Variants in TOMM70 observed in about 807,000 individuals in gnomAD.
TOMM70 encodes mitochondrial import receptor subunit TOM70.
In TOMM70, 13 loss-of-function variants were observed where a neutral mutation model predicts 73.6. The ratio of observed to expected loss-of-function variants is 0.18; its 90% CI spans 0.11 to 0.28. The LOEUF (loss-of-function observed/expected upper bound fraction) is 0.28, where lower values mean the gene tolerates loss of function less well. TOMM70 is among the 10% of genes least tolerant of loss of function. The pLI is 1.00. For synonymous variants in TOMM70, 257 were observed against 271.2 expected (o/e 0.95, Z 0.51); for missense variants, 609 against 747.5 (o/e 0.81, Z 2.16).
At chr3:100,373,483 G>T in intron 8 of TOMM70, 55 bp downstream of exon 8, 2 of 1,399,378 alleles carry the variant, frequency 1.4e-6, no homozygotes, top group South Asian at 2.6e-5. Context: ...CATTTTTGTT[G>T]ACGCTGGAAA....
intron 7 of TOMM70, among the ~76,000 whole-genome samples, chr3:100,374,144 C>T (rs1237960497): frequency 6.6e-6 from 1 of 152,154 alleles, no homozygotes; most frequent in Non-Finnish European, 1.5e-5. Context: ...TGTAATACTG[C>T]ATTTTTACTG....
chr3:100,396,891 G>A (rs766238364), intron 1 of TOMM70, among the ~76,000 whole-genome samples: 44 of 152,154 alleles, frequency 2.9e-4, no homozygotes, highest in Non-Finnish European at 5.4e-4. Context: ...CCAGAAAAAA[G>A]GTAATTGTGC....
chr3:100,365,796 T>C, intron 11 of TOMM70, 79 bp from the exon 12 acceptor site: 3 of 1,521,706 alleles, frequency 2.0e-6, no homozygotes, highest in African/African-American at 2.7e-5. Context: ...TGATGGTACA[T>C]GAAGTCTGAC....
intron 5 of TOMM70, among the ~76,000 whole-genome samples, chr3:100,380,944 C>A (rs1392351590): frequency 1.3e-5 from 2 of 152,142 alleles, no homozygotes; most frequent in Non-Finnish European, 2.9e-5. Flanking sequence ...TCCTTTTCTT[C>A]CTAACTCGTT....
In TOMM70 at chr3:100,377,840, T is replaced by G. The variant is rs1706582503; in HGVS notation, c.957A>C (p.Lys319Asn). Residue 319 changes from lysine (K) to asparagine (N), a missense_variant, in exon 6 of 12, where the codon AAA becomes AAC. By Grantham distance (94) the Lys-to-Asn change is moderately conservative. Coordinates refer to ENST00000284320, the MANE Select transcript of TOMM70 (RefSeq NM_014820.5). ...NYDKIISECS[K>N]EIDAEGKYMA... ...TGTATTTGCCTTCAGCATCTATTTC[T>G]TTTGAGCATTCACTTATGATTTTAT... 2 of 1,614,254 alleles carry G rather than the reference T, an allele frequency of 1.2e-6. No homozygotes were observed. The highest frequency in any genetic ancestry group is 2.2e-5 in the South Asian group (2 of 91,084).
chr3:100,371,690 C>T (rs1262339709), intron 9 of TOMM70, among the ~76,000 whole-genome samples: 1 of 152,154 alleles, frequency 6.6e-6, no homozygotes, highest in Non-Finnish European at 1.5e-5. Flanking sequence ...GTCCCCAACA[C>T]CTTCCCAGCA....
intron 4 of TOMM70, among the ~76,000 whole-genome samples, chr3:100,383,894 AT>A (rs1004062020): frequency 2.6e-5 from 4 of 152,186 alleles, no homozygotes; most frequent in African/African-American, 9.7e-5. Flanking sequence ...CTCTCACTAA[AT>A]TTTAATTCTA....
intron 6 of TOMM70, 35 bp from the exon 7 acceptor site, chr3:100,375,187 C>CT (rs749454748): frequency 3.2e-5 from 48 of 1,506,416 alleles, no homozygotes; most frequent in African/African-American, 5.7e-5. Context: ...TTCATCATTA[C>CT]TTTTTTTTCC....
chr3:100,389,344 T>C (rs541927568), intron 1 of TOMM70, among the ~76,000 whole-genome samples: 4 of 151,968 alleles, frequency 2.6e-5, no homozygotes, highest in African/African-American at 9.7e-5. Flanking sequence ...AATAGGGAAA[T>C]GACCAATACA....
intron 9 of TOMM70, chr3:100,372,323 T>C (rs1706519754): frequency 1.0e-5 from 3 of 286,362 alleles, no homozygotes; most frequent in African/African-American, 6.5e-5. Flanking sequence ...TAAATTTTCC[T>C]AAGGTAATTA....
In TOMM70 at chr3:100,365,353, G is replaced by T. The variant is rs901218465; in HGVS notation, c.*211C>A. 5.5e-6 allele frequency: 3 copies of T among 545,652 alleles called. No individual in the cohort carries two copies. The highest frequency in any genetic ancestry group is 3.0e-5 in the East Asian group (1 of 33,326). 33.8% of individuals were successfully genotyped at this position (545,652 alleles called of 1,614,324 possible). A position where few individuals can be genotyped will look rare whatever the true frequency, so the allele number is the denominator to read the frequency against. On this transcript the variant is annotated 3_prime_UTR_variant, in exon 12 of 12. Coordinates refer to ENST00000284320, the MANE Select transcript of TOMM70 (RefSeq NM_014820.5). Reference sequence around the variant, plus strand: ...TCCCTTTAACATGTTCTAATCTTTTGTTGCACAGGGAATAAAAGCTGCAAG... The same window carrying T: ...TCCCTTTAACATGTTCTAATCTTTTTTTGCACAGGGAATAAAAGCTGCAAG...
chr3:100,380,768 A>G (rs572952896), intron 5 of TOMM70, among the ~76,000 whole-genome samples: 1 of 152,330 alleles, frequency 6.6e-6, no homozygotes, highest in Middle Eastern at 3.4e-3. Flanking sequence ...TCAATGAACT[A>G]AAATTTGTAC....
rs183071079 is a variant in TOMM70, at chr3:100,378,641, G to C, written c.885-729C>G. Among the ~76,000 whole-genome samples, 5 of 152,286 alleles carry C rather than the reference G, an allele frequency of 3.3e-5. No homozygotes were observed. The East Asian group carries it at 9.6e-4, about 29-fold the overall frequency. On this transcript the variant is annotated intron_variant, in intron 5 of 11. Transcript: ENST00000284320. ...GTTTAATGGCTAAAAGAAGGAACAG[G>C]GAAATAGGAAATAAGTGACTTTAGA...
At chr3:100,370,589 G>A (rs989661236) in intron 9 of TOMM70, among the ~76,000 whole-genome samples, 1 of 152,160 alleles carries the variant, frequency 6.6e-6, no homozygotes, top group East Asian at 1.9e-4. Context: ...GTAACTTTGC[G>A]AGTTGGCCAG....
chr3:100,396,441 G>A (rs1706826169), intron 1 of TOMM70, among the ~76,000 whole-genome samples: 2 of 151,984 alleles, frequency 1.3e-5, no homozygotes, highest in Admixed American at 6.6e-5. Context: ...ATAACAATTG[G>A]ACAAAAAAGT....
chr3:100,367,840 G>C (rs1291998966), intron 11 of TOMM70, among the ~76,000 whole-genome samples: 2 of 152,210 alleles, frequency 1.3e-5, no homozygotes, highest in South Asian at 2.1e-4. Context: ...TTGGCTGGAT[G>C]CTTCTTTGGA....
chr3:100,400,252 A>G (rs1706876999), intron 1 of TOMM70, among the ~76,000 whole-genome samples: 2 of 152,218 alleles, frequency 1.3e-5, no homozygotes, highest in Admixed American at 1.3e-4. Context: ...GGCTTTGGAA[A>G]TCACAGAAAC....
chr3:100,374,210 T>G (rs1486308), intron 7 of TOMM70, among the ~76,000 whole-genome samples: 36,058 of 152,200 alleles, frequency 0.24, 5,313 homozygotes, highest in Middle Eastern at 0.38. Context: ...CATTGTGTTA[T>G]AACTGCCTAT....
In TOMM70 at chr3:100,372,885, G is replaced by A. The variant is rs1706526118; in HGVS notation, c.1336-163C>T. On this transcript the variant is annotated intron_variant, in intron 8 of 11. Coordinates refer to ENST00000284320, the MANE Select transcript of TOMM70 (RefSeq NM_014820.5). Reference sequence around the variant, plus strand: ...TCCAAGTAGGTATCTCAGCAGCAGAGAGCCAAAGGTTATGTACAACTAGGA... The same window carrying A: ...TCCAAGTAGGTATCTCAGCAGCAGAAAGCCAAAGGTTATGTACAACTAGGA... 2.0e-5 allele frequency among the ~76,000 whole-genome samples: 3 copies of A among 152,134 alleles called. No individual in the cohort carries two copies. The South Asian group carries it at 6.2e-4, about 32-fold the overall frequency.
Sources: gnomAD v4.1 joint callset for allele counts (sites outside exome capture counted in the v4.1 genomes callset) on GRCh38, gnomAD v4.1.1 for gene constraint, MANE v1.5 for transcripts, NCBI Gene and HGNC (gene_info 2026-07-23, HGNC 2026-07-21) for gene names.